Variants in ADAM12 observed in about 807,000 individuals in gnomAD.
ADAM12 encodes the protein ADAM metallopeptidase domain 12, also known as disintegrin and metalloproteinase domain-containing protein 12.
A neutral mutation model predicts 106.4 loss-of-function variants in ADAM12; 70 were observed. The ratio of observed to expected loss-of-function variants is 0.66; its 90% confidence interval spans 0.54 to 0.80. The LOEUF is 0.80. Ranked by LOEUF, ADAM12 falls within the 30% of genes least tolerant of loss-of-function variation. ADAM12 has a pLI of 0.00. For synonymous variants in ADAM12, 420 were observed against 433.5 expected (o/e 0.97, Z 0.39); for missense variants, 1,010 against 1,171.9 (o/e 0.86, Z 2.02).
intron 7 of ADAM12, among the ~76,000 whole-genome samples, chr10:126,109,277 A>G (rs1047573062): frequency 2.6e-5 from 4 of 152,242 alleles, no homozygotes; most frequent in African/African-American, 9.6e-5. Flanking sequence ...CAGAGAAGAT[A>G]ATCTTTAGAA....
At chr10:126,200,832 G>C (rs1460230244) in intron 3 of ADAM12, among the ~76,000 whole-genome samples, 3 of 145,794 alleles carry the variant, frequency 2.1e-5, no homozygotes, top group Admixed American at 2.0e-4. Flanking sequence ...TTGGAGAGTT[G>C]TTAGGACTTA....
intron 6 of ADAM12, among the ~76,000 whole-genome samples, chr10:126,117,083 G>A (rs979772202): frequency 3.3e-5 from 5 of 152,188 alleles, no homozygotes; most frequent in Non-Finnish European, 7.3e-5. Context: ...CAGAGGAACA[G>A]GAAATCCAGA....
chr10:126,297,438 A>C (rs534607271), intron 2 of ADAM12, among the ~76,000 whole-genome samples: 20 of 152,198 alleles, frequency 1.3e-4, no homozygotes, highest in Non-Finnish European at 2.8e-4. Context: ...AGTCTCGGCT[A>C]CTCAGGAGGC....
chr10:126,065,369 C>G (rs766044144), intron 13 of ADAM12, among the ~76,000 whole-genome samples: 2 of 152,166 alleles, frequency 1.3e-5, no homozygotes, highest in African/African-American at 4.8e-5. Flanking sequence ...TGGGTGTCAA[C>G]ACTATGACAC....
intron 1 of ADAM12, among the ~76,000 whole-genome samples, chr10:126,347,935 G>C (rs1283251005): frequency 6.6e-6 from 1 of 152,168 alleles, no homozygotes; most frequent in Non-Finnish European, 1.5e-5. Context: ...GGTACCAATG[G>C]TACAGGCTGA....
chr10:126,257,228 C>T (rs527415709), intron 3 of ADAM12, among the ~76,000 whole-genome samples: 75 of 152,292 alleles, frequency 4.9e-4, no homozygotes, highest in African/African-American at 1.8e-3. Flanking sequence ...AAGACAGTAC[C>T]GGGAAGGAAT....
At chr10:126,311,652 C>T (rs2040840703) in intron 2 of ADAM12, among the ~76,000 whole-genome samples, 1 of 151,958 alleles carries the variant, frequency 6.6e-6, no homozygotes, top group African/African-American at 2.4e-5. Flanking sequence ...ATCGATAATG[C>T]CAAAGTGATG....
intron 14 of ADAM12, among the ~76,000 whole-genome samples, chr10:126,052,797 C>G (rs1237603977): frequency 6.6e-6 from 1 of 152,162 alleles, no homozygotes; most frequent in African/African-American, 2.4e-5. Context: ...GATAGGAAGT[C>G]AAGCAAAGGC....
intron 4 of ADAM12, among the ~76,000 whole-genome samples, chr10:126,136,201 TC>T (rs1956403327): frequency 1.3e-5 from 2 of 152,128 alleles, no homozygotes; most frequent in South Asian, 4.2e-4. Flanking sequence ...AATAGGAAGG[TC>T]TTCTAAGTCT....
intron 10 of ADAM12, among the ~76,000 whole-genome samples, chr10:126,096,977 T>C (rs888995181): frequency 3.7e-4 from 56 of 152,208 alleles, no homozygotes. Flanking sequence ...ATCAAATGCT[T>C]GTATGGAAAT....
chr10:126,057,160 G>A lies in ADAM12; in HGVS notation c.1610-7491C>T, dbSNP rs1408887208. 6.6e-5 allele frequency among the ~76,000 whole-genome samples: 3 copies of A among 45,342 alleles called. 1 individual carries two copies. Among genetic ancestry groups the A allele is most frequent in the Non-Finnish European group, 1.3e-4 (3 of 22,298 alleles). 29.7% of individuals were successfully genotyped at this position (45,342 alleles called of 152,430 possible). Reference sequence around the variant, plus strand: ...ATTGCCATTCTAACTGGTGTGAGATGATATCTCATAGTGGTTTTGATTTGC... The same window carrying A: ...ATTGCCATTCTAACTGGTGTGAGATAATATCTCATAGTGGTTTTGATTTGC... On this transcript the variant is annotated intron_variant, in intron 14 of 22. Coordinates refer to ENST00000448723, the MANE Select transcript of ADAM12 (RefSeq NM_001288973.2).
At chr10:126,267,184 T>C (rs961358703) in intron 3 of ADAM12, among the ~76,000 whole-genome samples, 1 of 152,036 alleles carries the variant, frequency 6.6e-6, no homozygotes, top group Non-Finnish European at 1.5e-5. Flanking sequence ...CAGATTGGGT[T>C]TTGCTGTTGA....
intron 5 of ADAM12, among the ~76,000 whole-genome samples, chr10:126,122,678 T>C (rs1956136539): frequency 6.6e-6 from 1 of 152,094 alleles, no homozygotes; most frequent in Non-Finnish European, 1.5e-5. Flanking sequence ...GGAGAATCGC[T>C]TGAACCCAGG....
At chr10:126,334,035 A>G (rs1443108093) in intron 1 of ADAM12, among the ~76,000 whole-genome samples, 1 of 152,138 alleles carries the variant, frequency 6.6e-6, no homozygotes, top group Non-Finnish European at 1.5e-5. Flanking sequence ...TAGTCAGAAG[A>G]CCGTTTCTTA....
chr10:126,123,721 C>T (rs567220512), intron 5 of ADAM12, among the ~76,000 whole-genome samples: 1 of 152,338 alleles, frequency 6.6e-6, no homozygotes, highest in East Asian at 1.9e-4. Flanking sequence ...GGGCTTGGGC[C>T]TCTCAACCCC....
intron 1 of ADAM12, among the ~76,000 whole-genome samples, chr10:126,372,558 A>T (rs1856147851): frequency 6.6e-6 from 1 of 152,234 alleles, no homozygotes; most frequent in Non-Finnish European, 1.5e-5. Context: ...ACAACGCCAG[A>T]ACACACAGCA....
At chr10:126,239,108 C>T (rs1958473796) in intron 3 of ADAM12, among the ~76,000 whole-genome samples, 1 of 152,194 alleles carries the variant, frequency 6.6e-6, no homozygotes, top group African/African-American at 2.4e-5. Context: ...AGTTTTTTAG[C>T]ATGCAGTAAG....
At chr10:126,204,590 T>C (rs574925206) in intron 3 of ADAM12, among the ~76,000 whole-genome samples, 18 of 152,338 alleles carry the variant, frequency 1.2e-4, no homozygotes, top group Admixed American at 1.2e-3. Context: ...TCCCTCAACG[T>C]TTAGTCTATG....
At position 126,046,021 on chromosome 10, in the gene ADAM12, G is replaced by C. The variant is rs1470600637; in HGVS notation, c.1995+34C>G. The C allele has an allele frequency of 3.8e-6, 6 of 1,583,106 alleles. No homozygotes were observed. The Admixed American group carries it at 1.0e-4, about 26-fold the overall frequency. On this transcript the variant is annotated intron_variant, in intron 17 of 22. Transcript: ENST00000448723. ...ATGTATTATTACTTAACTTGTTATG[G>C]GCTGGCTGTAAAAGGGCAGCTCAGC...
Sources: gnomAD v4.1 joint callset for allele counts (sites outside exome capture counted in the v4.1 genomes callset) on GRCh38, gnomAD v4.1.1 for gene constraint, MANE v1.5 for transcripts, NCBI Gene and HGNC (gene_info 2026-07-23, HGNC 2026-07-21) for gene names.